Variants in DOCK6 observed in about 807,000 individuals in gnomAD.
The protein encoded by DOCK6 is dedicator of cytokinesis protein 6.
In DOCK6, 167 loss-of-function variants were observed where a neutral mutation model predicts 230.3. The observed-to-expected ratio is 0.73, with a 90% CI of 0.64 to 0.82. DOCK6 has a LOEUF of 0.82. Among genes scored for constraint, DOCK6 ranks in the 40% least tolerant of loss-of-function variants. The pLI, the probability that DOCK6 is intolerant of heterozygous loss-of-function variation, is 0.00. For synonymous variants in DOCK6, 1,148 were observed against 1,185.0 expected (o/e 0.97, Z 0.64); for missense variants, 2,598 against 2,825.8 (o/e 0.92, Z 1.83).
At chr19:11,216,500 C>T (rs570712685) in intron 30 of DOCK6, among the ~76,000 whole-genome samples, 4 of 152,086 alleles carry the variant, frequency 2.6e-5, no homozygotes, top group South Asian at 2.1e-4. Flanking sequence ...CTCCACCTCC[C>T]GGGTTCAAGT....
In DOCK6 at chr19:11,222,762, G is replaced by T; in HGVS notation, c.3213C>A (p.Ser1071=). The T allele has an allele frequency of 6.3e-7, 1 of 1,579,280 alleles. No individual in the cohort carries two copies. The highest frequency in any genetic ancestry group is 8.6e-7 in the Non-Finnish European group (1 of 1,162,864). The part of the protein sequence containing the change: ...CCPLSPPASP[S]PSVSSTTSQS... ...GGGAGGTGGTGGAGGACACAGAGGG[G>T]GAGGGCGAGGCTGGAGGTGACAGGG... The change falls in exon 26 of 48, where the codon TCC becomes TCA. Residue 1071 remains serine (S), a synonymous_variant. Transcript: ENST00000294618. The surrounding 1 kb of genome is among the most constrained non-coding windows in gnomAD (Gnocchi z 4.0).
chr19:11,260,318 C>T (rs553869375), intron 1 of DOCK6, among the ~76,000 whole-genome samples: 3 of 152,252 alleles, frequency 2.0e-5, no homozygotes, highest in South Asian at 4.1e-4. Flanking sequence ...CAATGGCTCA[C>T]GCCTGTAATC....
At position 11,220,911 on chromosome 19, in the gene DOCK6, G is replaced by A. The variant is rs376595234; in HGVS notation, c.3550+940C>T. 1.4e-3 allele frequency among the ~76,000 whole-genome samples: 213 copies of A among 148,564 alleles called. 1 individual carries two copies. Among genetic ancestry groups the A allele is most frequent in the African/African-American group, 5.1e-3 (206 of 40,062 alleles). On this transcript the variant is annotated intron_variant, in intron 28 of 47. Coordinates refer to ENST00000294618, the MANE Select transcript of DOCK6 (RefSeq NM_020812.4). The stretch of plus-strand genomic sequence containing the variant: ...GCGATCTCAGCTCACTGCAAGCTCC[G>A]CCTCCCGTGTTCATGCCATTCTCCT...
In DOCK6 at chr19:11,208,898, C is replaced by G. The variant is rs1200286853; in HGVS notation, c.4944+13G>C. The G allele has an allele frequency of 1.3e-6, 2 of 1,597,614 alleles. No individual in the cohort carries two copies. Among genetic ancestry groups the G allele is most frequent in the Admixed American group, 3.4e-5 (2 of 59,682 alleles). On this transcript the variant is annotated intron_variant, in intron 38 of 47. Transcript: ENST00000294618. The stretch of plus-strand genomic sequence containing the variant: ...TCGTGCCGTCCGCCACCTGCCAACC[C>G]CTGGCCACTCACCTGGAAGGAAACG...
rs200341762 is a variant in DOCK6, at chr19:11,201,204, TG to T, written c.5689-153del. Among the ~76,000 whole-genome samples the T allele has an allele frequency of 6.6e-6, 1 of 151,732 alleles. No homozygotes were observed. Among genetic ancestry groups the T allele is most frequent in the Admixed American group, 6.6e-5 (1 of 15,252 alleles). On this transcript the variant is annotated intron_variant, in intron 44 of 47. Coordinates refer to ENST00000294618, the MANE Select transcript of DOCK6 (RefSeq NM_020812.4). This position sits in a 1 kb window ranked among gnomAD's most constrained non-coding sequence, Gnocchi z 4.3. Reference sequence around the variant, plus strand: ...CTGGGGGCCTTCCTGGGTCTGACTCTGGGGGGGTCCAGCCTTGGGTCTGCTG... The same window carrying T: ...CTGGGGGCCTTCCTGGGTCTGACTCTGGGGGGTCCAGCCTTGGGTCTGCTG...
At chr19:11,241,375 C>A in intron 14 of DOCK6, 1 of 972,186 alleles carries the variant, frequency 1.0e-6, no homozygotes, top group Non-Finnish European at 1.6e-6. Context: ...CAATGAGGGG[C>A]TGGGGCAGAG....
chr19:11,212,168 G>T lies in DOCK6; in HGVS notation c.4492-17C>A. 6.2e-7 allele frequency: 1 copy of T among 1,600,870 alleles called. No homozygotes were observed. Among genetic ancestry groups the T allele is most frequent in the African/African-American group, 1.3e-5 (1 of 74,922 alleles). On this transcript the variant is annotated splice_polypyrimidine_tract_variant and intron_variant, in intron 35 of 47. Coordinates refer to ENST00000294618, the MANE Select transcript of DOCK6 (RefSeq NM_020812.4). ...GGCAAAGTTCTGCAGGGACAGGGGC[G>T]GGAGGGTGGAGCCGGGAGTCTCAGA...
rs1450134287 is a variant in DOCK6 at position 11,243,618 on chromosome 19, C to G, written c.1197G>C (p.Val399=). Residue 399 remains valine (V), a synonymous_variant, in exon 11 of 48, where the codon GTG becomes GTC. Coordinates refer to ENST00000294618, the MANE Select transcript of DOCK6 (RefSeq NM_020812.4). This position sits in a 1 kb window ranked among gnomAD's most constrained non-coding sequence, Gnocchi z 6.3. ...RYRMPFAWTA[V]HLANIVSSAG... ...CGCTGCTCACGATGTTGGCCAAGTGCACGGCCGTCCAGGCGAAGGGCATGC... is the reference window on the plus strand; with the variant it reads ...CGCTGCTCACGATGTTGGCCAAGTGGACGGCCGTCCAGGCGAAGGGCATGC... 4 of 1,611,688 alleles carry G rather than the reference C, an allele frequency of 2.5e-6. No homozygotes were observed. Among genetic ancestry groups the G allele is most frequent in the Non-Finnish European group, 3.4e-6 (4 of 1,179,398 alleles).
At chr19:11,224,190 T>TTTTATTTCTTTCTTTCTTTCTTTC in intron 24 of DOCK6, among the ~76,000 whole-genome samples, 1 of 146,404 alleles carries the variant, frequency 6.8e-6, no homozygotes, top group South Asian at 2.2e-4. Flanking sequence ...CTGTAATTAC[T>TTTTATTTCTTTCTTTCTTTCTTTC]TTTCTTTCTT....
intron 41 of DOCK6, chr19:11,203,351 C>T (rs909311086): frequency 6.3e-6 from 1 of 158,772 alleles, no homozygotes; most frequent in Non-Finnish European, 1.4e-5. Context: ...GAGACAATGT[C>T]ATGGGAGAGG....
chr19:11,259,434 G>T (rs1453501517), intron 1 of DOCK6, among the ~76,000 whole-genome samples: 1 of 147,326 alleles, frequency 6.8e-6, no homozygotes, highest in Non-Finnish European at 1.5e-5. Context: ...TCAAGGATGG[G>T]GGAGAGAGAG....
At position 11,200,591 on chromosome 19, in the gene DOCK6, G is replaced by A; in HGVS notation, c.5940-122C>T. On this transcript the variant is annotated intron_variant, in intron 46 of 47. Transcript: ENST00000294618. The surrounding 1 kb of genome is among the most constrained non-coding windows in gnomAD (Gnocchi z 4.3). ...AGAAAGACCCGCAATAGGAGGTCAG[G>A]TTGGGAGAGTGGACTTAATGGGAAT... 2 of 1,506,684 alleles carry A rather than the reference G, an allele frequency of 1.3e-6. No homozygotes were observed. The highest frequency in any genetic ancestry group is 1.8e-6 in the Non-Finnish European group (2 of 1,117,346). 93.3% of individuals were successfully genotyped at this position (1,506,684 alleles called of 1,614,324 possible).
Position 11,204,093 on chromosome 19 carries a change from A to G in DOCK6, c.5223T>C (p.Ser1741=). ...AAGGCTGACTCACCTCCCAGCCGGA[A>G]CTCTGTGGGGAAGAGAAGGGTCAAG... ...QEAFTKIMHQ[S]SGWERVFGTY... The change falls in exon 41 of 48, where the codon AGT becomes AGC. Residue 1741 remains serine, a splice_region_variant and synonymous_variant. Coordinates refer to ENST00000294618, the MANE Select transcript of DOCK6 (RefSeq NM_020812.4). The G allele has an allele frequency of 2.0e-6, 3 of 1,484,080 alleles. No individual in the cohort carries two copies. The highest frequency in any genetic ancestry group is 2.7e-6 in the Non-Finnish European group (3 of 1,105,220). 91.9% of individuals were successfully genotyped at this position (1,484,080 alleles called of 1,614,324 possible).
intron 6 of DOCK6, among the ~76,000 whole-genome samples, chr19:11,249,328 T>G (rs1010877122): frequency 6.6e-6 from 1 of 150,912 alleles, no homozygotes; most frequent in African/African-American, 2.4e-5. Flanking sequence ...CTGGCCAACA[T>G]AGTGAAACCC....
chr19:11,244,793 C>T (rs2080007379), intron 9 of DOCK6, among the ~76,000 whole-genome samples: 1 of 151,816 alleles, frequency 6.6e-6, no homozygotes, highest in South Asian at 2.1e-4. Flanking sequence ...TGGGTTTCAC[C>T]ATGTTGGCAA....
intron 21 of DOCK6, among the ~76,000 whole-genome samples, chr19:11,235,045 T>C (rs1479257761): frequency 6.6e-6 from 1 of 151,948 alleles, no homozygotes; most frequent in Non-Finnish European, 1.5e-5. Context: ...CGGGTTCAAG[T>C]GATTCTTCTG....
Position 11,201,931 on chromosome 19 carries a change from G to A in DOCK6, c.5646C>T (p.Phe1882=), listed in dbSNP as rs775119860. 4 of 1,603,144 alleles carry A rather than the reference G, an allele frequency of 2.5e-6. No homozygotes were observed. In the East Asian group the frequency reaches 9.0e-5, roughly 36 times the overall value. Residue 1882 remains phenylalanine (F), a synonymous_variant, in exon 44 of 48, where the codon TTC becomes TTT. Transcript: ENST00000294618. The surrounding 1 kb of genome is among the most constrained non-coding windows in gnomAD (Gnocchi z 4.3). ...RKTLLSTDHA[F]PYIKTRIRVC... ...CACGGATGCGAGTCTTGATGTAGGGGAAGGCGTGGTCGGTGCTGAGCAGCG... is the reference window on the plus strand; with the variant it reads ...CACGGATGCGAGTCTTGATGTAGGGAAAGGCGTGGTCGGTGCTGAGCAGCG...
At chr19:11,217,590 C>T (rs570573060) in intron 28 of DOCK6, among the ~76,000 whole-genome samples, 199 bp from the exon 29 acceptor site, 1 of 151,946 alleles carries the variant, frequency 6.6e-6, no homozygotes, top group African/African-American at 2.4e-5. Context: ...AATCCCATCT[C>T]TACTAAAATT....
Position 11,222,758 on chromosome 19 carries a change from AG to A in DOCK6, c.3216del (p.Ser1073LeufsTer21). 6.3e-7 allele frequency: 1 copy of A among 1,577,738 alleles called. No individual in the cohort carries two copies. The highest frequency in any genetic ancestry group is 8.6e-7 in the Non-Finnish European group (1 of 1,161,980). ...CPLSPPASPS[P>X]SVSSTTSQSS... ...ACCTGGGAGGTGGTGGAGGACACAG[AG>A]GGGGAGGGCGAGGCTGGAGGTGACA... On this transcript the variant is annotated frameshift_variant, in exon 26 of 48. Transcript: ENST00000294618. LOFTEE classifies it high-confidence loss of function. This position sits in a 1 kb window ranked among gnomAD's most constrained non-coding sequence, Gnocchi z 4.0.
Sources: gnomAD v4.1 joint callset for allele counts (sites outside exome capture counted in the v4.1 genomes callset) on GRCh38, gnomAD v4.1.1 for gene constraint, Gnocchi (gnomAD v3.1) non-coding constraint, MANE v1.5 for transcripts, NCBI Gene and HGNC (gene_info 2026-07-23, HGNC 2026-07-21) for gene names.